SLC12A7: variants seen among roughly 807,000 people sequenced by gnomAD.
SLC12A7 encodes K-Cl cotransporter 4.
SLC12A7 carries 100 observed loss-of-function variants against 120.6 expected under a neutral mutation model. The ratio of observed to expected loss-of-function variants is 0.83; its 90% CI spans 0.71 to 0.98. The LOEUF is 0.98. Among genes scored for constraint, SLC12A7 ranks in the 50% least tolerant of loss-of-function variants. SLC12A7 has a pLI of 0.00. For synonymous variants in SLC12A7, 760 were observed against 678.0 expected (o/e 1.12, Z -1.88); for missense variants, 1,373 against 1,548.1 (o/e 0.89, Z 1.90).
intron 8 of SLC12A7, among the ~76,000 whole-genome samples, chr5:1,082,783 C>T (rs1374278061): frequency 2.2e-5 from 3 of 138,724 alleles, no homozygotes; most frequent in East Asian, 2.3e-4. Flanking sequence ...TTCTGGAAAG[C>T]CTGGGCTTCC....
At chr5:1,099,560 T>C (rs1226043530) in intron 1 of SLC12A7, among the ~76,000 whole-genome samples, 1 of 151,964 alleles carries the variant, frequency 6.6e-6, no homozygotes, top group Non-Finnish European at 1.5e-5. Context: ...GGACACAGAA[T>C]GAGCCATGGT....
At chr5:1,058,500 G>A (rs969786002) in intron 21 of SLC12A7, among the ~76,000 whole-genome samples, 9 of 152,362 alleles carry the variant, frequency 5.9e-5, no homozygotes, top group South Asian at 2.1e-4. Flanking sequence ...GACGCAGCCC[G>A]GGGAGCCACT....
intron 8 of SLC12A7, among the ~76,000 whole-genome samples, chr5:1,082,379 G>A (rs1561072971): frequency 7.0e-6 from 1 of 142,484 alleles, no homozygotes. Context: ...CCCGTCTCGG[G>A]TTCTGGAAAG....
chr5:1,109,006 G>C (rs991445599), intron 1 of SLC12A7, among the ~76,000 whole-genome samples: 7 of 152,244 alleles, frequency 4.6e-5, no homozygotes, highest in African/African-American at 1.7e-4. Flanking sequence ...CCAGGAAGAA[G>C]CTCCCGGCAA....
At chr5:1,058,056 T>C (rs1385133686) in intron 21 of SLC12A7, among the ~76,000 whole-genome samples, 1 of 152,210 alleles carries the variant, frequency 6.6e-6, no homozygotes, top group Admixed American at 6.5e-5. Context: ...GGTGGGGCCG[T>C]ACCAGCATCC....
At position 1,075,381 on chromosome 5, in the gene SLC12A7, CGAT is replaced by C; in HGVS notation, c.1954_1956del (p.Ile652del). 6.2e-7 allele frequency: 1 copy of C among 1,611,634 alleles called. No homozygotes were observed. Among genetic ancestry groups the C allele is most frequent in the Non-Finnish European group, 8.5e-7 (1 of 1,179,048 alleles). Reference sequence around the variant, plus strand: ...GCTGACAGCGCTTACCCGCGGTACTCGATGTACTTGTAGATGCAGCCAGCGATG... The same window carrying C: ...GCTGACAGCGCTTACCCGCGGTACTCGTACTTGTAGATGCAGCCAGCGATG... On this transcript the variant is annotated inframe_deletion, in exon 15 of 24. Transcript: ENST00000264930.
At chr5:1,078,473 C>T in intron 11 of SLC12A7, 1 of 602,670 alleles carries the variant, frequency 1.7e-6, no homozygotes, top group Non-Finnish European at 3.0e-6. Flanking sequence ...CCTGCGCCCC[C>T]AGCCGCATCA....
the SLC12A7 span, among the ~76,000 whole-genome samples, chr5:1,147,414 C>T: frequency 9.2e-5 from 14 of 151,888 alleles, no homozygotes; most frequent in African/African-American, 3.4e-4. Context: ...CGGAGAGACC[C>T]GCCGAGGGTC....
intron 1 of SLC12A7, among the ~76,000 whole-genome samples, chr5:1,095,047 A>AGGCGGGGGCGGTAGGG: frequency 2.8e-5 from 2 of 70,908 alleles, no homozygotes; most frequent in Non-Finnish European, 6.6e-5. Context: ...GGCCGGTAGG[A>AGGCGGGGGCGGTAGGG]GGCGGGGCCG....
At chr5:1,121,195 G>C in the SLC12A7 span, among the ~76,000 whole-genome samples, 1 of 152,268 alleles carries the variant, frequency 6.6e-6, no homozygotes, top group South Asian at 2.1e-4. Context: ...GTGAAGAAGA[G>C]TCCAGGCCAG....
chr5:1,138,270 G>A, the SLC12A7 span, among the ~76,000 whole-genome samples: 2 of 152,166 alleles, frequency 1.3e-5, no homozygotes, highest in South Asian at 2.1e-4. Context: ...GGTGGGGCAG[G>A]GCAGGGCGGC....
chr5:1,124,768 A>G, the SLC12A7 span, among the ~76,000 whole-genome samples: 1 of 152,232 alleles, frequency 6.6e-6, no homozygotes, highest in South Asian at 2.1e-4. Context: ...ACAGCTAGCA[A>G]GCGAACACAG....
the SLC12A7 span, among the ~76,000 whole-genome samples, chr5:1,142,449 T>C: frequency 4.7e-5 from 1 of 21,476 alleles, no homozygotes; most frequent in Non-Finnish European, 7.7e-5. Context: ...TCCCCTCCCC[T>C]CTCTGCCCTC....
At chr5:1,062,403 A>G (rs1261539543) in intron 20 of SLC12A7, among the ~76,000 whole-genome samples, 2 of 152,246 alleles carry the variant, frequency 1.3e-5, no homozygotes, top group Non-Finnish European at 2.9e-5. Context: ...AACTCCAGCC[A>G]TCGTCCCCGA....
At chr5:1,056,561 G>T in intron 22 of SLC12A7, 1 of 984,850 alleles carries the variant, frequency 1.0e-6, no homozygotes, top group Non-Finnish European at 1.2e-6. Context: ...AAGGCGACCT[G>T]GTTGTAGCGA....
chr5:1,090,928 G>A (rs1161831184), intron 3 of SLC12A7, among the ~76,000 whole-genome samples: 1 of 152,188 alleles, frequency 6.6e-6, no homozygotes, highest in Non-Finnish European at 1.5e-5. Context: ...AGGTCTGCTG[G>A]GGATGAGCCT....
chr5:1,076,472 C>T (rs944016369), intron 13 of SLC12A7, among the ~76,000 whole-genome samples: 4 of 151,956 alleles, frequency 2.6e-5, no homozygotes, highest in Non-Finnish European at 5.9e-5. Flanking sequence ...CCCCAGCAGC[C>T]GTCTGTCCAG....
chr5:1,060,601 C>T, intron 20 of SLC12A7, 150 bp from the exon 21 acceptor site: 4 of 635,890 alleles, frequency 6.3e-6, no homozygotes, highest in South Asian at 5.6e-5. Context: ...GCTCTCAGGC[C>T]CCCCGCCCAG....
chr5:1,121,391 TG>T, the SLC12A7 span, among the ~76,000 whole-genome samples: 2 of 152,124 alleles, frequency 1.3e-5, 1 homozygote, highest in African/African-American at 4.8e-5. Flanking sequence ...ATGGACTTGC[TG>T]GGGGGCAGGG....
Sources: allele counts gnomAD v4.1 joint callset (sites outside exome capture counted in the v4.1 genomes callset), GRCh38; gene constraint gnomAD v4.1.1; transcripts MANE v1.5; gene names NCBI Gene and HGNC (gene_info 2026-07-23, HGNC 2026-07-21).